The following FBXO31 variants were observed in gnomAD, a reference collection of about 807,000 sequenced individuals.
FBXO31 encodes F-box protein 31, also known as F-box only protein 31.
In FBXO31, 24 loss-of-function variants were observed where a neutral mutation model predicts 54.4. The ratio of observed to expected loss-of-function variants is 0.44; its 90% CI spans 0.32 to 0.62. FBXO31 has a LOEUF of 0.62. Ranked by LOEUF, FBXO31 falls within the 20% of genes least tolerant of loss-of-function variation. FBXO31 has a pLI of 0.05. For synonymous variants in FBXO31, 388 were observed against 335.6 expected, an observed-to-expected ratio of 1.16 and a Z score of -1.71; for missense variants, 665 against 787.1, an observed-to-expected ratio of 0.84 and a Z score of 1.86.
At chr16:87,348,238 G>A (rs62053084) in intron 2 of FBXO31, among the ~76,000 whole-genome samples, 42,078 of 151,992 alleles carry the variant, frequency 0.28, 6,937 homozygotes, top group Non-Finnish European at 0.39. Context: ...CTACCTGCCC[G>A]CTCTCCATCA....
At chr16:87,385,197 G>A (rs1006447000), upstream of FBXO31, among the ~76,000 whole-genome samples, 2 of 152,200 alleles carry the variant, frequency 1.3e-5, no homozygotes, top group South Asian at 4.1e-4. Context: ...GGTGGCTCAC[G>A]CCTGTAATCC....
chr16:87,380,274 G>A (rs1597380729), intron 1 of FBXO31, among the ~76,000 whole-genome samples: 1 of 137,210 alleles, frequency 7.3e-6, no homozygotes, highest in Non-Finnish European at 1.5e-5. Context: ...CTCCAGCCTG[G>A]TGACAGAGCG....
chr16:87,344,261 C>T (rs1308952785), intron 3 of FBXO31, among the ~76,000 whole-genome samples: 1 of 152,254 alleles, frequency 6.6e-6, no homozygotes, highest in African/African-American at 2.4e-5. Flanking sequence ...GCTGAAATGC[C>T]ACGGGCCTGG....
upstream of FBXO31, among the ~76,000 whole-genome samples, chr16:87,387,439 T>A (rs1196348221): frequency 6.6e-6 from 1 of 152,166 alleles, no homozygotes; most frequent in Non-Finnish European, 1.5e-5. Context: ...TCTAAGGAAG[T>A]AAGTCGAATA....
At chr16:87,364,133 C>T (rs1373690561) in intron 1 of FBXO31, among the ~76,000 whole-genome samples, 2 of 152,266 alleles carry the variant, frequency 1.3e-5, no homozygotes, top group East Asian at 1.9e-4. Context: ...AAGTGATCAC[C>T]GGAGTCCAGA....
intron 1 of FBXO31, among the ~76,000 whole-genome samples, chr16:87,369,331 C>T (rs117786605): frequency 0.023 from 3,450 of 152,148 alleles, 74 homozygotes; most frequent in South Asian, 0.072. Context: ...CCCCATGGAG[C>T]GGCAACTCCA....
intron 2 of FBXO31, among the ~76,000 whole-genome samples, chr16:87,351,916 C>T (rs1374209748): frequency 6.6e-6 from 1 of 152,086 alleles, no homozygotes. Flanking sequence ...TGGAGAGACG[C>T]TCTTCGTTTG....
At chr16:87,380,916 T>C (rs756419517) in intron 1 of FBXO31, among the ~76,000 whole-genome samples, 1 of 152,244 alleles carries the variant, frequency 6.6e-6, no homozygotes, top group Non-Finnish European at 1.5e-5. Flanking sequence ...CAGTATACCT[T>C]TGAATTTTTG....
chr16:87,338,274 A>C lies in FBXO31; in HGVS notation c.733-2010T>G, dbSNP rs1418409049. ...ACAGGGAGCCCAGGACATGCACGAC[A>C]ACGATCAACTTCACGTTGACCCAGG... is the stretch of plus-strand genomic sequence containing the variant. On this transcript the variant is annotated intron_variant, in intron 5 of 8. Transcript: ENST00000311635. This position sits in a 1 kb window ranked among gnomAD's most constrained non-coding sequence, Gnocchi z 4.3. Among the ~76,000 whole-genome samples the C allele has an allele frequency of 2.6e-5, 4 of 151,404 alleles. No homozygotes were observed. Among genetic ancestry groups the C allele is most frequent in the Non-Finnish European group, 1.5e-5 (1 of 67,926 alleles).
chr16:87,365,740 C>T (rs764408118), intron 1 of FBXO31, among the ~76,000 whole-genome samples: 7 of 152,182 alleles, frequency 4.6e-5, no homozygotes, highest in East Asian at 3.9e-4. Context: ...GTATGAAAAA[C>T]GCTGGGTGTA....
chr16:87,360,041 A>C (rs773740194), intron 2 of FBXO31, among the ~76,000 whole-genome samples: 1 of 152,170 alleles, frequency 6.6e-6, no homozygotes, highest in African/African-American at 2.4e-5. Context: ...TGCAGCCTAC[A>C]TTTCTCAGCT....
chr16:87,360,593 T>C (rs1266610716), intron 1 of FBXO31, among the ~76,000 whole-genome samples: 1 of 152,218 alleles, frequency 6.6e-6, no homozygotes, highest in Non-Finnish European at 1.5e-5. Context: ...CTTTACAAAA[T>C]AATAATCTGC....
chr16:87,370,751 G>A (rs997387529), intron 1 of FBXO31, among the ~76,000 whole-genome samples: 1 of 152,190 alleles, frequency 6.6e-6, no homozygotes, highest in African/African-American at 2.4e-5. Context: ...CGAGTGCTGA[G>A]GGACCTGCTG....
intron 1 of FBXO31, among the ~76,000 whole-genome samples, chr16:87,365,188 T>C (rs1337302163): frequency 6.6e-6 from 1 of 150,628 alleles, no homozygotes; most frequent in African/African-American, 2.4e-5. Flanking sequence ...AATGAGCCTC[T>C]GGGCCAGGCC....
Position 87,346,136 on chromosome 16 carries a change from G to A in FBXO31, c.489+1038C>T, listed in dbSNP as rs1267676604. Among the ~76,000 whole-genome samples, 1 of 152,230 alleles carries A rather than the reference G, an allele frequency of 6.6e-6. No individual in the cohort carries two copies. The highest frequency in any genetic ancestry group is 1.5e-5 in the Non-Finnish European group (1 of 68,034). On this transcript the variant is annotated intron_variant, in intron 3 of 8. Coordinates refer to ENST00000311635, the MANE Select transcript of FBXO31 (RefSeq NM_024735.5). This position sits in a 1 kb window ranked among gnomAD's most constrained non-coding sequence, Gnocchi z 4.2. ...GGCCTCCGGCTGGGCCCTACAGAGG[G>A]TTGTGTCCTGGGAAGGAGAGAGACC...
At chr16:87,339,667 A>G (rs1468706283) in intron 5 of FBXO31, among the ~76,000 whole-genome samples, 1 of 152,198 alleles carries the variant, frequency 6.6e-6, no homozygotes, top group East Asian at 1.9e-4. Flanking sequence ...GGGGGTGTGG[A>G]CATCACACAA....
upstream of FBXO31, among the ~76,000 whole-genome samples, chr16:87,387,507 C>T (rs573060041): frequency 2.6e-5 from 4 of 152,198 alleles, no homozygotes; most frequent in African/African-American, 9.6e-5. Context: ...ATTTCTTGGA[C>T]TGAGGAAAAC....
Position 87,383,621 on chromosome 16 carries a change from C to T in FBXO31, c.124G>A (p.Glu42Lys). The T allele has an allele frequency of 1.4e-6, 2 of 1,459,832 alleles. No individual in the cohort carries two copies. Among genetic ancestry groups the T allele is most frequent in the Non-Finnish European group, 9.0e-7 (1 of 1,112,086 alleles). The allele number at this position is 1,459,832 out of a possible 1,614,324, so 90.4% of individuals were successfully genotyped here. Residue 42 changes from glutamate to lysine, a missense_variant, in exon 1 of 9, where the codon GAG becomes AAG. Transcript: ENST00000311635. The surrounding 1 kb of genome is among the most constrained non-coding windows in gnomAD (Gnocchi z 4.9). The part of the protein sequence containing the change: ...DSEPDTDPEE[E>K]RIEASAGVGG... ...ACCCCGGCGCTAGCCTCGATGCGCT[C>T]CTCCTCGGGGTCTGTGTCCGGCTCG...
rs1905416821 is a variant in FBXO31, at chr16:87,346,969, C to A, written c.489+205G>T. On this transcript the variant is annotated intron_variant, in intron 3 of 8. Coordinates refer to ENST00000311635, the MANE Select transcript of FBXO31 (RefSeq NM_024735.5). The surrounding 1 kb of genome is among the most constrained non-coding windows in gnomAD (Gnocchi z 4.2). The stretch of plus-strand genomic sequence containing the variant: ...GAGAGTCCAAGGACGGGCCACAAGG[C>A]CGAAGTGTTGCTCTAAGCAAACCTT... Among the ~76,000 whole-genome samples, 1 of 152,234 alleles carries A rather than the reference C, an allele frequency of 6.6e-6. No individual in the cohort carries two copies. The highest frequency in any genetic ancestry group is 1.5e-5 in the Non-Finnish European group (1 of 68,044).
Sources: allele counts gnomAD v4.1 joint callset (sites outside exome capture counted in the v4.1 genomes callset), GRCh38; gene constraint gnomAD v4.1.1; non-coding constraint Gnocchi (gnomAD v3.1); transcripts MANE v1.5; gene names NCBI Gene and HGNC (gene_info 2026-07-23, HGNC 2026-07-21).